The following DYNC2H1 variants were observed in gnomAD, a reference collection of about 807,000 sequenced individuals.
DYNC2H1 encodes the protein dynein cytoplasmic 2 heavy chain 1, also known as cytoplasmic dynein 2 heavy chain 1.
A neutral mutation model predicts 570.0 loss-of-function variants in DYNC2H1; 410 were observed. The ratio of observed to expected loss-of-function variants is 0.72; its 90% CI spans 0.66 to 0.78. DYNC2H1 has a LOEUF of 0.78. Ranked by LOEUF, DYNC2H1 falls within the 30% of genes least tolerant of loss-of-function variation. The pLI, the probability that DYNC2H1 is intolerant of heterozygous loss-of-function variation, is 0.00. For missense variants in DYNC2H1, 4,865 were observed against 5,046.4 expected (o/e 0.96, Z 1.09); for synonymous variants, 1,688 against 1,677.6 (o/e 1.01, Z -0.15).
rs1864954764 is a variant in DYNC2H1, at chr11:103,254,240, A to G, written c.10206+792A>G. Among the ~76,000 whole-genome samples the G allele has an allele frequency of 6.6e-6, 1 of 152,188 alleles. No individual in the cohort carries two copies. The highest frequency in any genetic ancestry group is 1.5e-5 in the Non-Finnish European group (1 of 68,014). On this transcript the variant is annotated intron_variant, in intron 66 of 88. Transcript: ENST00000375735. The surrounding 1 kb of genome is among the most constrained non-coding windows in gnomAD (Gnocchi z 4.9). ...TTCTTTTAAATAAAACAATGTGACA[A>G]TCATTCAAAACTTGGCAGAATTAAT...
chr11:103,269,231 A>C (rs1266482115), intron 70 of DYNC2H1, among the ~76,000 whole-genome samples: 1 of 152,182 alleles, frequency 6.6e-6, no homozygotes, highest in African/African-American at 2.4e-5. Context: ...TGGAAAATTC[A>C]TATTTCTGTT....
intron 87 of DYNC2H1, among the ~76,000 whole-genome samples, chr11:103,464,987 T>C (rs1945146810): frequency 6.6e-6 from 1 of 152,110 alleles, no homozygotes; most frequent in East Asian, 1.9e-4. Flanking sequence ...ATAATTCAAT[T>C]AGATATAATG....
chr11:103,176,278 C>A lies in DYNC2H1; in HGVS notation c.5718C>A (p.Thr1906=), dbSNP rs585692. 1,427,049 of 1,541,246 alleles carry A rather than the reference C, an allele frequency of 0.93. 661,347 individuals are homozygous for A. Among genetic ancestry groups the A allele is most frequent in the African/African-American group, 0.98 (71,093 of 72,502 alleles). ...HIVVQALRLN[T]MSKFTFTDCT... ...TGGTACAAGCACTGAGGCTTAATAC[C>A]ATGTCAAAGTTTACGTTTACTGATT... is the stretch of plus-strand genomic sequence containing the variant. The change falls in exon 37 of 89, where the codon ACC becomes ACA. Residue 1906 remains threonine, a synonymous_variant. Coordinates refer to ENST00000375735, the MANE Select transcript of DYNC2H1 (RefSeq NM_001377.3).
chr11:103,377,337 A>T (rs1673306161), intron 83 of DYNC2H1, among the ~76,000 whole-genome samples: 1 of 151,910 alleles, frequency 6.6e-6, no homozygotes, highest in African/African-American at 2.4e-5. Context: ...GGACTGGGTT[A>T]TTTCAAAAGA....
At chr11:103,422,447 A>G (rs1943519002) in intron 84 of DYNC2H1, among the ~76,000 whole-genome samples, 1 of 152,210 alleles carries the variant, frequency 6.6e-6, no homozygotes, top group Non-Finnish European at 1.5e-5. Context: ...TCAATAAAAT[A>G]CTGGCAAACC....
intron 82 of DYNC2H1, among the ~76,000 whole-genome samples, chr11:103,347,493 G>A (rs1242175235): frequency 6.7e-6 from 1 of 149,722 alleles, no homozygotes; most frequent in African/African-American, 2.5e-5. Flanking sequence ...TCTGGGATTT[G>A]TTTTAAAACG....
At chr11:103,263,245 T>C (rs1327323874) in intron 70 of DYNC2H1, among the ~76,000 whole-genome samples, 4 of 151,988 alleles carry the variant, frequency 2.6e-5, no homozygotes, top group African/African-American at 9.7e-5. Flanking sequence ...TAGACTCCCA[T>C]GTAGTAATAT....
chr11:103,475,417 T>A (rs1389260259), intron 88 of DYNC2H1, among the ~76,000 whole-genome samples: 3 of 152,160 alleles, frequency 2.0e-5, no homozygotes, highest in Non-Finnish European at 4.4e-5. Context: ...AAAGAGGGAA[T>A]TGGGTCATAA....
At position 103,185,655 on chromosome 11, in the gene DYNC2H1, G is replaced by A. The variant is rs11225588; in HGVS notation, c.6634-587G>A. Among the ~76,000 whole-genome samples, 16,009 of 151,200 alleles carry A rather than the reference G, an allele frequency of 0.11. 1,003 individuals carry two copies. Among genetic ancestry groups the A allele is most frequent in the East Asian group, 0.22 (1,110 of 5,144 alleles). ...TGTCATTTACTGCTTTCTCTATTCCGTCTCCCTTTCCATGGCTGTCCTGTT... is the reference window on the plus strand; with the variant it reads ...TGTCATTTACTGCTTTCTCTATTCCATCTCCCTTTCCATGGCTGTCCTGTT... On this transcript the variant is annotated intron_variant, in intron 41 of 88. Transcript: ENST00000375735. This position sits in a 1 kb window ranked among gnomAD's most constrained non-coding sequence, Gnocchi z 4.5.
At chr11:103,195,910 G>C (rs530878116) in intron 47 of DYNC2H1, among the ~76,000 whole-genome samples, 1 of 152,168 alleles carries the variant, frequency 6.6e-6, no homozygotes, top group Non-Finnish European at 1.5e-5. Context: ...TAAAACAATT[G>C]TAAGTGCTCA....
intron 54 of DYNC2H1, among the ~76,000 whole-genome samples, chr11:103,212,252 CTG>C (rs1279433250): frequency 1.3e-5 from 2 of 151,810 alleles, no homozygotes; most frequent in East Asian, 3.9e-4. Context: ...TAAGAAAACT[CTG>C]TTATTCAGCA....
chr11:103,360,595 AC>A (rs1046411544), intron 83 of DYNC2H1, among the ~76,000 whole-genome samples: 2 of 152,086 alleles, frequency 1.3e-5, no homozygotes, highest in African/African-American at 4.8e-5. Context: ...CATTCATTTT[AC>A]CCTTTTTCAA....
intron 83 of DYNC2H1, among the ~76,000 whole-genome samples, chr11:103,361,753 A>C (rs1186401340): frequency 6.6e-6 from 1 of 152,168 alleles, no homozygotes; most frequent in Non-Finnish European, 1.5e-5. Flanking sequence ...TGAGAAAAAA[A>C]TTTAGAGTTA....
intron 85 of DYNC2H1, among the ~76,000 whole-genome samples, chr11:103,445,722 G>C (rs550778730): frequency 6.6e-6 from 1 of 152,290 alleles, no homozygotes; most frequent in African/African-American, 2.4e-5. Flanking sequence ...CTCGATCTCA[G>C]CTCATTGCAA....
chr11:103,122,203 A>G (rs1443273351), intron 10 of DYNC2H1, among the ~76,000 whole-genome samples: 1 of 152,214 alleles, frequency 6.6e-6, no homozygotes, highest in East Asian at 1.9e-4. Context: ...TGTACAATAA[A>G]TGTTAATTGA....
chr11:103,400,216 G>A (rs1715135130), intron 84 of DYNC2H1, among the ~76,000 whole-genome samples: 3 of 152,134 alleles, frequency 2.0e-5, no homozygotes, highest in East Asian at 1.9e-4. Flanking sequence ...GAAAGAACAC[G>A]TGTTTTCTAG....
rs997182869 is a variant in DYNC2H1, at chr11:103,205,029, A to G, written c.8454+65A>G. ...TATTTTTGAAGTTATTGATTTTCAC[A>G]ACTTCTCTTTGGTGTTGGTTATAAC... is the stretch of plus-strand genomic sequence containing the variant. On this transcript the variant is annotated intron_variant, in intron 52 of 88. Transcript: ENST00000375735. The surrounding 1 kb of genome is among the most constrained non-coding windows in gnomAD (Gnocchi z 4.5). 4 of 1,457,390 alleles carry G rather than the reference A, an allele frequency of 2.7e-6. No homozygotes were observed. Among genetic ancestry groups the G allele is most frequent in the African/African-American group, 2.8e-5 (2 of 70,648 alleles). 90.3% of individuals were successfully genotyped at this position (1,457,390 alleles called of 1,614,324 possible).
chr11:103,179,402 A>G (rs892547541), intron 39 of DYNC2H1, among the ~76,000 whole-genome samples, 169 bp downstream of exon 39: 2 of 151,916 alleles, frequency 1.3e-5, no homozygotes, highest in South Asian at 4.1e-4. Context: ...CTGTTTTATT[A>G]CAAAATTGAA....
intron 83 of DYNC2H1, among the ~76,000 whole-genome samples, chr11:103,396,169 A>G (rs1942388164): frequency 6.6e-6 from 1 of 152,170 alleles, no homozygotes; most frequent in Non-Finnish European, 1.5e-5. Flanking sequence ...TTTACATCTT[A>G]TGAATTTCAC....
Sources: gnomAD v4.1 joint callset for allele counts (sites outside exome capture counted in the v4.1 genomes callset) on GRCh38, gnomAD v4.1.1 for gene constraint, Gnocchi (gnomAD v3.1) non-coding constraint, MANE v1.5 for transcripts, NCBI Gene and HGNC (gene_info 2026-07-23, HGNC 2026-07-21) for gene names.